Variants in PDE5A observed in about 807,000 individuals in gnomAD.
PDE5A encodes the protein phosphodiesterase 5A, also known as cGMP-specific 3',5'-cyclic phosphodiesterase.
PDE5A carries 67 observed loss-of-function variants against 110.2 expected under a neutral mutation model. The ratio of observed to expected loss-of-function variants is 0.61; its 90% CI spans 0.50 to 0.75. PDE5A has a LOEUF of 0.75. Among genes scored for constraint, PDE5A ranks in the 30% least tolerant of loss-of-function variants. The probability of loss-of-function intolerance (pLI) is 0.00; values close to 1 mark genes in which losing one functional copy is unlikely to be tolerated. For missense variants in PDE5A, 862 were observed against 1,045.1 expected (o/e 0.82, Z 2.42); for synonymous variants, 328 against 351.2 (o/e 0.93, Z 0.74).
In PDE5A at chr4:119,542,443, C is replaced by G. The variant is rs1290127013; in HGVS notation, c.1572+16G>C. 6.2e-7 allele frequency: 1 copy of G among 1,611,756 alleles called. No homozygotes were observed. Among genetic ancestry groups the G allele is most frequent in the Non-Finnish European group, 8.5e-7 (1 of 1,178,374 alleles). ...GTTTGGCTGTACAGTGTGAGAGGTC[C>G]CTAAACTTCACCCACCTCCAATGTG... On this transcript the variant is annotated intron_variant, in intron 10 of 20. Transcript: ENST00000354960.
chr4:119,576,191 T>C (rs2928994), intron 3 of PDE5A, among the ~76,000 whole-genome samples: 115,094 of 151,804 alleles, frequency 0.76, 43,967 homozygotes, highest in East Asian at 0.89. Context: ...ATAAAGCAAG[T>C]CCTTAGAGAC....
chr4:119,535,758 T>C (rs1266893827), intron 11 of PDE5A, among the ~76,000 whole-genome samples: 2 of 152,192 alleles, frequency 1.3e-5, no homozygotes, highest in Non-Finnish European at 2.9e-5. Context: ...TCCTATCCAC[T>C]AATTACTTTG....
intron 3 of PDE5A, among the ~76,000 whole-genome samples, chr4:119,589,879 T>C (rs536307865): frequency 3.2e-4 from 49 of 152,296 alleles, no homozygotes; most frequent in Non-Finnish European, 4.9e-4. Context: ...GATCTCCTTG[T>C]TGCCACCTCA....
intron 7 of PDE5A, among the ~76,000 whole-genome samples, chr4:119,559,918 C>T (rs1328662938): frequency 2.0e-5 from 3 of 152,306 alleles, no homozygotes; most frequent in East Asian, 1.9e-4. Flanking sequence ...AGTCAGCAGT[C>T]AAGGCTTAAA....
At chr4:119,569,959 T>A (rs1728086062) in intron 3 of PDE5A, 2 of 151,994 alleles carry the variant, frequency 1.3e-5, no homozygotes, top group South Asian at 4.1e-4. Flanking sequence ...TGGAGTGGAG[T>A]CCTCAAATCA....
intron 3 of PDE5A, among the ~76,000 whole-genome samples, chr4:119,591,246 C>T (rs1728955437): frequency 6.6e-6 from 1 of 152,300 alleles, no homozygotes; most frequent in South Asian, 2.1e-4. Flanking sequence ...ATTAGTTCTA[C>T]ATCTCCTTTT....
intron 2 of PDE5A, among the ~76,000 whole-genome samples, chr4:119,601,570 A>G (rs1729350968): frequency 6.6e-6 from 1 of 152,036 alleles, no homozygotes; most frequent in Non-Finnish European, 1.5e-5. Context: ...TCCGTGGGTC[A>G]TTCTATCTAA....
At chr4:119,540,055 T>C (rs1235255857) in intron 10 of PDE5A, among the ~76,000 whole-genome samples, 2 of 152,160 alleles carry the variant, frequency 1.3e-5, no homozygotes, top group African/African-American at 4.8e-5. Flanking sequence ...ATGGGATTTT[T>C]TTTAAACATT....
rs558963086 is a variant in PDE5A at position 119,595,043 on chromosome 4, T to C, written c.831+1480A>G. Among the ~76,000 whole-genome samples, 10 of 152,278 alleles carry C rather than the reference T, an allele frequency of 6.6e-5. No individual in the cohort carries two copies. The South Asian group carries it at 2.1e-3, about 32-fold the overall frequency. ...ACTAAAGGGAAATTGACTGCAAGGA[T>C]AGAAACACCTTACAAGAACATTTAA... is the stretch of plus-strand genomic sequence containing the variant. On this transcript the variant is annotated intron_variant, in intron 3 of 20. Transcript: ENST00000354960.
chr4:119,628,409 G>C, intron 1 of PDE5A, 111 bp downstream of exon 1: 1 of 828,092 alleles, frequency 1.2e-6, no homozygotes, highest in South Asian at 1.9e-5. Context: ...CTCGTAACAG[G>C]ACCGAGGACC....
chr4:119,509,518 A>G (rs1252303382), intron 15 of PDE5A, among the ~76,000 whole-genome samples: 1 of 152,026 alleles, frequency 6.6e-6, no homozygotes, highest in Non-Finnish European at 1.5e-5. Context: ...AGGGCTGTAT[A>G]TGCACGAGCC....
chr4:119,506,037 G>T, intron 16 of PDE5A, 105 bp from the exon 17 acceptor site: 1 of 535,648 alleles, frequency 1.9e-6, no homozygotes, highest in South Asian at 3.6e-5. Flanking sequence ...AAAAACCTCT[G>T]ATTTTTTTTC....
intron 9 of PDE5A, chr4:119,550,076 G>A (rs1282081899): frequency 6.6e-6 from 1 of 152,180 alleles, no homozygotes; most frequent in Admixed American, 6.5e-5. Context: ...TGCTACAACT[G>A]TAGGTACATA....
intron 5 of PDE5A, 74 bp downstream of exon 5, chr4:119,565,247 A>G (rs55825515): frequency 0.27 from 265,388 of 974,244 alleles, 37,266 homozygotes; most frequent in East Asian, 0.35. Context: ...AATCATCTGC[A>G]TACATTACTT....
chr4:119,564,613 G>A (rs1727859707), intron 5 of PDE5A, among the ~76,000 whole-genome samples: 1 of 152,046 alleles, frequency 6.6e-6, no homozygotes, highest in Admixed American at 6.6e-5. Context: ...ATGGAGTTTG[G>A]GGAGAGGAGG....
At chr4:119,587,206 G>C (rs1191080209) in intron 3 of PDE5A, among the ~76,000 whole-genome samples, 1 of 147,390 alleles carries the variant, frequency 6.8e-6, no homozygotes, top group Non-Finnish European at 1.5e-5. Context: ...AATAAATGCA[G>C]TGAACGATTT....
intron 1 of PDE5A, among the ~76,000 whole-genome samples, chr4:119,613,868 G>A (rs1053008584): frequency 6.6e-6 from 1 of 151,942 alleles, no homozygotes; most frequent in Admixed American, 6.6e-5. Flanking sequence ...CTACTATTTG[G>A]TGGCAACACC....
Position 119,555,638 on chromosome 4 carries a change from C to G in PDE5A, c.1200-1892G>C, listed in dbSNP as rs114517828. Among the ~76,000 whole-genome samples, 1,009 of 151,904 alleles carry G rather than the reference C, an allele frequency of 6.6e-3. 10 individuals carry two copies. Among genetic ancestry groups the G allele is most frequent in the Non-Finnish European group, 8.7e-3 (590 of 67,918 alleles). ...TATCATATCAATAACTATTATTATT[C>G]TTCATCATCATTATTTTAATTATCA... On this transcript the variant is annotated intron_variant, in intron 7 of 20. Transcript: ENST00000354960.
intron 1 of PDE5A, among the ~76,000 whole-genome samples, chr4:119,611,384 T>C (rs74325911): frequency 2.5e-3 from 382 of 152,310 alleles, no homozygotes; most frequent in African/African-American, 8.2e-3. Flanking sequence ...AGTAAATGAA[T>C]AAATAAATGA....
Sources: gnomAD v4.1 joint callset for allele counts (sites outside exome capture counted in the v4.1 genomes callset) on GRCh38, gnomAD v4.1.1 for gene constraint, MANE v1.5 for transcripts, NCBI Gene and HGNC (gene_info 2026-07-23, HGNC 2026-07-21) for gene names.